NAV3: variants seen among roughly 807,000 people sequenced by gnomAD.
The protein encoded by NAV3 is pore membrane and/or filament interacting like protein 1.
Under a neutral mutation model 244.7 loss-of-function variants are expected in NAV3, and 87 were observed. That is an observed-to-expected ratio of 0.36 (90% confidence interval 0.30 to 0.42). NAV3 has a LOEUF of 0.42. Among genes scored for constraint, NAV3 ranks in the 20% least tolerant of loss-of-function variants. The pLI is 1.00. For synonymous variants in NAV3, 1,126 were observed against 1,042.2 expected (o/e 1.08, Z -1.55); for missense variants, 2,663 against 2,893.3 (o/e 0.92, Z 1.83).
chr12:77,577,544 C>T (rs751323674), intron 2 of NAV3, among the ~76,000 whole-genome samples: 4 of 152,090 alleles, frequency 2.6e-5, no homozygotes, highest in South Asian at 2.1e-4. Flanking sequence ...TATGTGCTTT[C>T]TCCTGATTGG....
At chr12:77,779,625 GT>G (rs1396023994) in intron 2 of NAV3, among the ~76,000 whole-genome samples, 2 of 151,978 alleles carry the variant, frequency 1.3e-5, no homozygotes, top group Non-Finnish European at 2.9e-5. Flanking sequence ...ATTGAAATAA[GT>G]TAAACACCAA....
intron 7 of NAV3, among the ~76,000 whole-genome samples, chr12:77,999,467 G>C (rs1356852890): frequency 6.6e-6 from 1 of 152,148 alleles, no homozygotes; most frequent in Non-Finnish European, 1.5e-5. Flanking sequence ...GTTTCATATA[G>C]GCAAATGATT....
At chr12:78,040,109 A>T (rs1278444410) in intron 9 of NAV3, among the ~76,000 whole-genome samples, 1 of 152,164 alleles carries the variant, frequency 6.6e-6, no homozygotes, top group Non-Finnish European at 1.5e-5. Flanking sequence ...TCACTCAGAT[A>T]CAAATTTATA....
intron 2 of NAV3, among the ~76,000 whole-genome samples, chr12:77,764,176 T>C (rs1337659525): frequency 6.6e-6 from 1 of 152,260 alleles, no homozygotes. Flanking sequence ...TTCTCTTATA[T>C]GTGTTACCAT....
intron 2 of NAV3, among the ~76,000 whole-genome samples, chr12:77,572,919 G>C (rs972572925): frequency 1.9e-4 from 29 of 152,136 alleles, no homozygotes; most frequent in Non-Finnish European, 3.7e-4. Flanking sequence ...TAGCTTTTTA[G>C]AAACTCTTAC....
At chr12:78,054,160 T>A (rs956036319) in intron 11 of NAV3, among the ~76,000 whole-genome samples, 4 of 152,172 alleles carry the variant, frequency 2.6e-5, no homozygotes, top group Non-Finnish European at 5.9e-5. Context: ...TTTAGTTATT[T>A]TTTCTGATTT....
At chr12:77,659,591 C>A (rs182035274) in intron 2 of NAV3, among the ~76,000 whole-genome samples, 81 of 152,168 alleles carry the variant, frequency 5.3e-4, no homozygotes, top group African/African-American at 1.9e-3. Context: ...ACTATTTGAC[C>A]CAGCCATCCC....
intron 1 of NAV3, among the ~76,000 whole-genome samples, chr12:77,879,025 CT>C (rs1882245436): frequency 6.6e-6 from 1 of 152,086 alleles, no homozygotes; most frequent in Non-Finnish European, 1.5e-5. Context: ...ATGGTCATTT[CT>C]TTATTTTTAC....
intron 3 of NAV3, among the ~76,000 whole-genome samples, chr12:77,959,936 A>C (rs1891729747): frequency 6.6e-6 from 1 of 150,710 alleles, no homozygotes; most frequent in Admixed American, 6.6e-5. Flanking sequence ...AAAAAAAAAA[A>C]AAAAGACCAA....
chr12:77,898,672 G>A (rs1277071930), intron 1 of NAV3, among the ~76,000 whole-genome samples: 3 of 152,138 alleles, frequency 2.0e-5, no homozygotes, highest in Admixed American at 6.5e-5. Flanking sequence ...ATGGTTGTCC[G>A]TTCTATAAGT....
chr12:78,071,460 T>C (rs1385524095), intron 12 of NAV3, among the ~76,000 whole-genome samples: 1 of 152,094 alleles, frequency 6.6e-6, no homozygotes, highest in African/African-American at 2.4e-5. Context: ...ATTAGCCCTT[T>C]GTCAGATGAG....
chr12:77,985,188 C>A (rs143236453), intron 5 of NAV3, among the ~76,000 whole-genome samples: 2 of 152,256 alleles, frequency 1.3e-5, no homozygotes, highest in East Asian at 3.9e-4. Flanking sequence ...GAAACAGTAA[C>A]CTCTGTGGGC....
intron 12 of NAV3, among the ~76,000 whole-genome samples, chr12:78,107,980 G>A (rs923775373): frequency 6.6e-6 from 1 of 152,102 alleles, no homozygotes; most frequent in African/African-American, 2.4e-5. Flanking sequence ...CACTTTGAAT[G>A]TAAATGAATT....
intron 1 of NAV3, among the ~76,000 whole-genome samples, chr12:77,845,229 C>T (rs1474479638): frequency 6.6e-6 from 1 of 152,086 alleles, no homozygotes; most frequent in East Asian, 1.9e-4. Flanking sequence ...TTCAGGCAGT[C>T]TTGTTTTGAA....
At chr12:77,969,032 TCTC>T (rs1555245883) in intron 5 of NAV3, among the ~76,000 whole-genome samples, 1 of 152,124 alleles carries the variant, frequency 6.6e-6, no homozygotes, top group Non-Finnish European at 1.5e-5. Flanking sequence ...TGAGTCCTAG[TCTC>T]CTGTCATGTA....
chr12:78,046,109 T>A (rs1422467809), intron 9 of NAV3, among the ~76,000 whole-genome samples: 1 of 152,208 alleles, frequency 6.6e-6, no homozygotes, highest in Non-Finnish European at 1.5e-5. Context: ...TACATCTATT[T>A]GATTCTTCTC....
At chr12:77,941,625 A>C (rs1342124349) in intron 3 of NAV3, among the ~76,000 whole-genome samples, 3 of 152,168 alleles carry the variant, frequency 2.0e-5, no homozygotes, top group Non-Finnish European at 4.4e-5. Flanking sequence ...TTGAGATATG[A>C]TTCGTAGTCT....
intron 9 of NAV3, among the ~76,000 whole-genome samples, chr12:78,044,279 CA>C (rs2137124833): frequency 6.6e-6 from 1 of 152,234 alleles, no homozygotes; most frequent in Non-Finnish European, 1.5e-5. Flanking sequence ...TGTTCTGTTT[CA>C]TTGGTCTATA....
chr12:78,168,704 T>C (rs772240482), intron 23 of NAV3, 51 bp from the exon 24 acceptor site: 1 of 1,235,926 alleles, frequency 8.1e-7, no homozygotes, highest in Non-Finnish European at 1.2e-6. Context: ...AGCAGGGAGA[T>C]TTTATTTTTC....
Sources: allele counts gnomAD v4.1 joint callset (sites outside exome capture counted in the v4.1 genomes callset), GRCh38; gene constraint gnomAD v4.1.1; transcripts MANE v1.5; gene names NCBI Gene and HGNC (gene_info 2026-07-23, HGNC 2026-07-21).